GALNT13: variants seen among roughly 807,000 people sequenced by gnomAD.
The protein encoded by GALNT13 is UDP-GalNAc:polypeptide N-acetylgalactosaminyltransferase 13.
Under a neutral mutation model 64.2 loss-of-function variants are expected in GALNT13, and 28 were observed. That is an observed-to-expected ratio of 0.44 (90% CI 0.32 to 0.60). GALNT13 has a LOEUF of 0.60. Among genes scored for constraint, GALNT13 ranks in the 20% least tolerant of loss-of-function variants. The pLI is 0.05. For synonymous variants in GALNT13, 214 were observed against 224.6 expected (o/e 0.95, Z 0.42); for missense variants, 577 against 669.8 (o/e 0.86, Z 1.53).
the GALNT13 span, among the ~76,000 whole-genome samples, chr2:153,222,217 G>A: frequency 7.1e-6 from 1 of 140,422 alleles, no homozygotes; most frequent in South Asian, 2.4e-4. Flanking sequence ...AGGTCATCCT[G>A]AGGAGTGTCC....
At chr2:154,226,810 ATTTCT>A (rs1347347903) in intron 4 of GALNT13, among the ~76,000 whole-genome samples, 1 of 152,112 alleles carries the variant, frequency 6.6e-6, no homozygotes, top group Non-Finnish European at 1.5e-5. Flanking sequence ...TCCTTGAAAC[ATTTCT>A]TTAGTGTCAG....
At chr2:154,307,786 A>G (rs539766044) in intron 9 of GALNT13, among the ~76,000 whole-genome samples, 9 of 152,218 alleles carry the variant, frequency 5.9e-5, no homozygotes, top group Non-Finnish European at 1.2e-4. Flanking sequence ...TGATTGTCCT[A>G]GCAAATCCTT....
At chr2:153,985,302 C>T (rs1694725180) in intron 3 of GALNT13, among the ~76,000 whole-genome samples, 1 of 151,998 alleles carries the variant, frequency 6.6e-6, no homozygotes, top group Non-Finnish European at 1.5e-5. Context: ...ATGTAAATGT[C>T]CATTTCTCCT....
At chr2:153,110,380 A>T in the GALNT13 span, among the ~76,000 whole-genome samples, 1 of 152,240 alleles carries the variant, frequency 6.6e-6, no homozygotes, top group Non-Finnish European at 1.5e-5. Context: ...TGAGGTAACC[A>T]ACAGCTACCA....
the GALNT13 span, among the ~76,000 whole-genome samples, chr2:153,321,974 G>T: frequency 2.5e-5 from 3 of 118,378 alleles, no homozygotes; most frequent in Admixed American, 2.4e-4. Flanking sequence ...GTGTAAAGTT[G>T]TGTGTGTGTG....
At chr2:153,380,440 C>T in the GALNT13 span, among the ~76,000 whole-genome samples, 1 of 151,954 alleles carries the variant, frequency 6.6e-6, no homozygotes, top group African/African-American at 2.4e-5. Context: ...CAACTGCCCT[C>T]CATCCTGGGC....
intron 3 of GALNT13, among the ~76,000 whole-genome samples, chr2:153,988,254 T>C (rs1401606729): frequency 6.6e-6 from 1 of 151,914 alleles, no homozygotes; most frequent in Non-Finnish European, 1.5e-5. Context: ...TGCTGTACAA[T>C]AGATCTAAAA....
chr2:153,916,170 T>C (rs1287472475), intron 2 of GALNT13, among the ~76,000 whole-genome samples: 2 of 151,212 alleles, frequency 1.3e-5, no homozygotes, highest in Non-Finnish European at 2.9e-5. Flanking sequence ...TTTTTCTTTT[T>C]TTTTTTTTAT....
At chr2:154,058,417 C>T (rs1197800584) in intron 3 of GALNT13, among the ~76,000 whole-genome samples, 1 of 152,140 alleles carries the variant, frequency 6.6e-6, no homozygotes, top group Non-Finnish European at 1.5e-5. Context: ...ATAACAATTG[C>T]ATTATTAACA....
At chr2:153,535,117 A>C in the GALNT13 span, among the ~76,000 whole-genome samples, 4 of 152,084 alleles carry the variant, frequency 2.6e-5, no homozygotes, top group African/African-American at 9.7e-5. Context: ...GGGAGAGATT[A>C]AGCTGAAGGG....
chr2:154,023,097 G>A (rs1428321360), intron 3 of GALNT13, among the ~76,000 whole-genome samples: 2 of 152,304 alleles, frequency 1.3e-5, no homozygotes, highest in African/African-American at 2.4e-5. Context: ...TTGCTGAGGA[G>A]TGCTTTACTT....
the GALNT13 span, among the ~76,000 whole-genome samples, chr2:153,127,421 A>G: frequency 1.3e-5 from 2 of 152,132 alleles, no homozygotes; most frequent in African/African-American, 2.4e-5. Flanking sequence ...ACAGAAGAAG[A>G]TGACTACAGT....
chr2:154,390,688 C>G lies in GALNT13; in HGVS notation c.1157-5303C>G, dbSNP rs1248970564. Among the ~76,000 whole-genome samples, 6 of 152,124 alleles carry G rather than the reference C, an allele frequency of 3.9e-5. No homozygotes were observed. In the South Asian group the frequency reaches 6.2e-4, roughly 16 times the overall value. On this transcript the variant is annotated intron_variant, in intron 9 of 12. Coordinates refer to ENST00000392825, the MANE Select transcript of GALNT13 (RefSeq NM_052917.4). ...AGCTTATTTAAAAAAAATAGGAGCCCATAAATTTTATCATTTACCTATTAA... is the reference window on the plus strand; with the variant it reads ...AGCTTATTTAAAAAAAATAGGAGCCGATAAATTTTATCATTTACCTATTAA...
chr2:154,170,649 G>C (rs533307537), intron 4 of GALNT13, among the ~76,000 whole-genome samples: 1 of 152,040 alleles, frequency 6.6e-6, no homozygotes, highest in East Asian at 1.9e-4. Flanking sequence ...TGAAACCTGG[G>C]AATAATAATA....
intron 3 of GALNT13, among the ~76,000 whole-genome samples, chr2:153,997,687 A>G (rs1695612890): frequency 1.3e-5 from 2 of 152,138 alleles, no homozygotes; most frequent in African/African-American, 2.4e-5. Context: ...ATACATATGC[A>G]GAACGTGCAG....
chr2:153,737,811 GT>G, the GALNT13 span, among the ~76,000 whole-genome samples: 3 of 151,848 alleles, frequency 2.0e-5, no homozygotes, highest in East Asian at 5.8e-4. Flanking sequence ...TACCTCATGG[GT>G]TTTTTATTTG....
At chr2:154,191,464 G>A (rs1686574631) in intron 4 of GALNT13, among the ~76,000 whole-genome samples, 2 of 152,188 alleles carry the variant, frequency 1.3e-5, no homozygotes, top group African/African-American at 2.4e-5. Context: ...AGTGATAGGA[G>A]AGACTGAAAA....
intron 8 of GALNT13, among the ~76,000 whole-genome samples, chr2:154,285,961 T>A (rs538230876): frequency 1.2e-3 from 183 of 152,340 alleles, no homozygotes; most frequent in African/African-American, 4.4e-3. Flanking sequence ...TTATTGTAAA[T>A]GGGATTGTTA....
the GALNT13 span, among the ~76,000 whole-genome samples, chr2:153,712,049 T>C: frequency 1.3e-5 from 2 of 152,218 alleles, no homozygotes; most frequent in African/African-American, 4.8e-5. Context: ...TTTGGGTTTG[T>C]GATCTTTTTT....
Sources: gnomAD v4.1 joint callset for allele counts (sites outside exome capture counted in the v4.1 genomes callset) on GRCh38, gnomAD v4.1.1 for gene constraint, MANE v1.5 for transcripts, NCBI Gene and HGNC (gene_info 2026-07-23, HGNC 2026-07-21) for gene names.